The following NCAM2 variants were observed in gnomAD, a reference collection of about 807,000 sequenced individuals.
NCAM2 encodes neural cell adhesion molecule 2, also known as N-CAM-2.
In NCAM2, 30 loss-of-function variants were observed where a neutral mutation model predicts 98.1. That is an observed-to-expected ratio of 0.31 (90% CI 0.23 to 0.41). The LOEUF (loss-of-function observed/expected upper bound fraction) is 0.41, where lower values mean the gene tolerates loss of function less well. NCAM2 is among the 10% of genes least tolerant of loss of function. The pLI, the probability that NCAM2 is intolerant of heterozygous loss-of-function variation, is 1.00. For synonymous variants in NCAM2, 368 were observed against 342.4 expected, an observed-to-expected ratio of 1.07 and a Z score of -0.83; for missense variants, 867 against 1,005.8, an observed-to-expected ratio of 0.86 and a Z score of 1.87.
chr21:21,104,958 C>T (rs912318400), intron 1 of NCAM2, among the ~76,000 whole-genome samples: 3 of 152,082 alleles, frequency 2.0e-5, no homozygotes, highest in African/African-American at 7.2e-5. Flanking sequence ...ACTGAAATCT[C>T]TGCCAACAAC....
chr21:21,432,175 C>T lies in NCAM2; in HGVS notation c.1548C>T (p.Phe516=), dbSNP rs1436773351. Residue 516 remains phenylalanine (F), a synonymous_variant, in exon 12 of 18, where the codon TTC becomes TTT. Transcript: ENST00000400546. ...ELSQTTAKVS[F]NKPDSHGGVP... The stretch of plus-strand genomic sequence containing the variant: ...CGCAGACCACGGCCAAGGTTTCCTT[C>T]AACAAACCGGACTCCCATGGAGGTG... 1 of 1,613,908 alleles carries T rather than the reference C, an allele frequency of 6.2e-7. No homozygotes were observed. Among genetic ancestry groups the T allele is most frequent in the African/African-American group, 1.3e-5 (1 of 74,900 alleles).
At chr21:21,190,974 G>C (rs1469273141) in intron 1 of NCAM2, among the ~76,000 whole-genome samples, 2 of 152,076 alleles carry the variant, frequency 1.3e-5, no homozygotes, top group Non-Finnish European at 2.9e-5. Context: ...TTAGATCAAA[G>C]GCCGTGTATA....
intron 12 of NCAM2, among the ~76,000 whole-genome samples, chr21:21,460,727 G>A (rs1237864822): frequency 6.6e-6 from 1 of 151,880 alleles, no homozygotes; most frequent in Admixed American, 6.6e-5. Flanking sequence ...TGTGATATGT[G>A]TCCTCACAAG....
chr21:21,496,693 A>T (rs1247803623), intron 15 of NCAM2, among the ~76,000 whole-genome samples: 1 of 152,106 alleles, frequency 6.6e-6, no homozygotes, highest in Non-Finnish European at 1.5e-5. Flanking sequence ...TGCCAAGGCC[A>T]ATGTCAAGAA....
At chr21:21,203,230 A>G (rs1448183146) in intron 1 of NCAM2, among the ~76,000 whole-genome samples, 2 of 152,234 alleles carry the variant, frequency 1.3e-5, no homozygotes, top group Non-Finnish European at 1.5e-5. Context: ...AGACTTTTAA[A>G]TTAATTGGCT....
chr21:21,470,445 C>A (rs987758093), intron 14 of NCAM2, among the ~76,000 whole-genome samples: 4 of 152,060 alleles, frequency 2.6e-5, no homozygotes, highest in African/African-American at 9.7e-5. Flanking sequence ...GACTCAAGTT[C>A]ATATAATGGT....
At chr21:21,245,328 C>A (rs1399896896) in intron 1 of NCAM2, among the ~76,000 whole-genome samples, 1 of 152,158 alleles carries the variant, frequency 6.6e-6, no homozygotes, top group Admixed American at 6.5e-5. Context: ...TTCTGTCTTA[C>A]CACATTCTAT....
At chr21:21,319,398 T>G (rs193120574) in intron 5 of NCAM2, among the ~76,000 whole-genome samples, 1 of 152,284 alleles carries the variant, frequency 6.6e-6, no homozygotes, top group Admixed American at 6.5e-5. Context: ...ATCCCAGCAC[T>G]TTGGGAGGCC....
intron 1 of NCAM2, among the ~76,000 whole-genome samples, chr21:21,045,207 C>G (rs567980550): frequency 8.5e-5 from 13 of 152,104 alleles, no homozygotes; most frequent in African/African-American, 3.1e-4. Flanking sequence ...AAATTCAAGC[C>G]CACTCCAGTC....
intron 15 of NCAM2, among the ~76,000 whole-genome samples, chr21:21,480,297 G>A (rs55994514): frequency 0.057 from 8,549 of 150,056 alleles, 859 homozygotes; most frequent in African/African-American, 0.2. Context: ...AACCTGGAAG[G>A]CGGAGCTTGC....
At chr21:21,169,592 A>G (rs1358454504) in intron 1 of NCAM2, among the ~76,000 whole-genome samples, 1 of 152,202 alleles carries the variant, frequency 6.6e-6, no homozygotes, top group Non-Finnish European at 1.5e-5. Context: ...AAAATTCAAC[A>G]ATAAGAAAAT....
intron 12 of NCAM2, among the ~76,000 whole-genome samples, chr21:21,455,033 ATTC>A (rs1981921483): frequency 6.6e-6 from 1 of 151,828 alleles, no homozygotes; most frequent in Non-Finnish European, 1.5e-5. Flanking sequence ...TTACTAATTT[ATTC>A]TTCTTTGCAT....
intron 15 of NCAM2, among the ~76,000 whole-genome samples, chr21:21,496,543 T>C (rs233771): frequency 0.84 from 126,962 of 152,034 alleles, 53,101 homozygotes; most frequent in Middle Eastern, 0.91. Context: ...TCGTGAATAT[T>C]TTCCCCCGTT....
At chr21:21,417,775 A>C (rs762385068) in intron 10 of NCAM2, among the ~76,000 whole-genome samples, 2 of 152,064 alleles carry the variant, frequency 1.3e-5, no homozygotes, top group Admixed American at 6.5e-5. Context: ...AATGGTAGGA[A>C]TTGAACAGAA....
At position 21,118,354 on chromosome 21, in the gene NCAM2, A is replaced by G. The variant is rs184500920; in HGVS notation, c.55+119736A>G. Among the ~76,000 whole-genome samples the G allele has an allele frequency of 1.1e-4, 16 of 152,274 alleles. No individual in the cohort carries two copies. In the East Asian group the frequency reaches 2.3e-3, roughly 22 times the overall value. ...CAGCGGGGGGGCAGGCTATGATTAA[A>G]TCTCAAAATAAGCTTAGGAACAAGT... On this transcript the variant is annotated intron_variant, in intron 1 of 17. Transcript: ENST00000400546.
chr21:21,174,676 G>A (rs994062057), intron 1 of NCAM2, among the ~76,000 whole-genome samples: 2 of 151,770 alleles, frequency 1.3e-5, no homozygotes, highest in Non-Finnish European at 2.9e-5. Context: ...TGCTTGTCAG[G>A]GAACAAATAA....
chr21:21,271,567 T>C (rs1368478623), intron 1 of NCAM2, among the ~76,000 whole-genome samples: 1 of 152,212 alleles, frequency 6.6e-6, no homozygotes, highest in Non-Finnish European at 1.5e-5. Context: ...CTGTGCAGTG[T>C]GTTATATGCT....
intron 1 of NCAM2, among the ~76,000 whole-genome samples, chr21:21,116,448 A>AC: frequency 6.6e-6 from 1 of 152,186 alleles, no homozygotes; most frequent in East Asian, 1.9e-4. Context: ...GATATGGCTG[A>AC]CGAAGTGTCT....
At chr21:21,187,027 C>T (rs1410456826) in intron 1 of NCAM2, among the ~76,000 whole-genome samples, 3 of 151,944 alleles carry the variant, frequency 2.0e-5, no homozygotes, top group Admixed American at 6.6e-5. Flanking sequence ...GTTAGCAGTT[C>T]GAGAGCAGCC....
Sources: allele counts gnomAD v4.1 joint callset (sites outside exome capture counted in the v4.1 genomes callset), GRCh38; gene constraint gnomAD v4.1.1; transcripts MANE v1.5; gene names NCBI Gene and HGNC (gene_info 2026-07-23, HGNC 2026-07-21).